Variants in BBS9 observed in about 807,000 individuals in gnomAD.
BBS9 encodes protein PTHB1.
Under a neutral mutation model 117.7 loss-of-function variants are expected in BBS9, and 89 were observed. The observed-to-expected ratio is 0.76, with a 90% confidence interval of 0.64 to 0.90. BBS9 has a LOEUF of 0.90. Ranked by LOEUF, BBS9 falls within the 40% of genes least tolerant of loss-of-function variation. The pLI is 0.00. For synonymous variants in BBS9, 379 were observed against 370.9 expected (o/e 1.02, Z -0.25); for missense variants, 982 against 1,042.2 (o/e 0.94, Z 0.80).
intron 9 of BBS9, among the ~76,000 whole-genome samples, chr7:33,284,955 C>T (rs1235017604): frequency 1.3e-5 from 2 of 152,128 alleles, no homozygotes; most frequent in East Asian, 3.8e-4. Flanking sequence ...CCATGAGGCA[C>T]TAGTACCAAG....
rs777369523 is a variant in BBS9, at chr7:33,387,958, A to G, written c.1963-34A>G. 2.5e-6 allele frequency: 4 copies of G among 1,607,460 alleles called. No homozygotes were observed. In the Admixed American group the frequency reaches 5.0e-5, roughly 20 times the overall value. On this transcript the variant is annotated intron_variant, in intron 18 of 22. Coordinates refer to ENST00000242067, the MANE Select transcript of BBS9 (RefSeq NM_198428.3). ...TTCTTTAAAGATGTTTTTTGTGTCC[A>G]TTTAATCTCAATTTAAGAAATTATT...
chr7:33,342,073 T>A (rs193266005), intron 11 of BBS9, among the ~76,000 whole-genome samples: 1 of 151,994 alleles, frequency 6.6e-6, no homozygotes, highest in East Asian at 1.9e-4. Flanking sequence ...AGTGTCTTCA[T>A]TATTTAGGTA....
chr7:33,284,154 C>G (rs1421094349), intron 9 of BBS9, among the ~76,000 whole-genome samples: 1 of 152,158 alleles, frequency 6.6e-6, no homozygotes, highest in Non-Finnish European at 1.5e-5. Context: ...CTCTCTTCCG[C>G]TTGAAGTCTG....
At chr7:33,180,802 T>G (rs1184125284) in intron 5 of BBS9, among the ~76,000 whole-genome samples, 2 of 152,136 alleles carry the variant, frequency 1.3e-5, no homozygotes, top group Non-Finnish European at 2.9e-5. Context: ...CCCACTGCCT[T>G]GTTGCGGTAG....
At chr7:33,485,309 T>G (rs1226855703) in intron 19 of BBS9, among the ~76,000 whole-genome samples, 1 of 81,582 alleles carries the variant, frequency 1.2e-5, no homozygotes, top group African/African-American at 3.7e-5. Context: ...AACATAAAAG[T>G]TTTTTTTTTT....
At chr7:33,527,827 G>A (rs572969493) in intron 20 of BBS9, among the ~76,000 whole-genome samples, 1 of 152,128 alleles carries the variant, frequency 6.6e-6, no homozygotes, top group Non-Finnish European at 1.5e-5. Flanking sequence ...AGCCCTCTTT[G>A]CATGACAAGG....
At chr7:33,634,755 G>C (rs867626866) in intron 21 of BBS9, among the ~76,000 whole-genome samples, 2 of 152,220 alleles carry the variant, frequency 1.3e-5, no homozygotes, top group African/African-American at 4.8e-5. Context: ...TGTGGACAGG[G>C]CAGGGCATGA....
Position 33,388,001 on chromosome 7 carries a change from A to C in BBS9, c.1972A>C (p.Asn658His). ...LIDHHFELRI[N>H]GEKLEELLSE... ...AAATTATTCATTGCAGCTACGGATA[A>C]ATGGTGAAAAATTAGAAGAACTCTT... is the stretch of plus-strand genomic sequence containing the variant. Residue 658 changes from asparagine (N) to histidine (H), a missense_variant, in exon 19 of 23, where the codon AAT (asparagine) becomes CAT (histidine). Coordinates refer to ENST00000242067, the MANE Select transcript of BBS9 (RefSeq NM_198428.3). 1 of 1,614,082 alleles carries C rather than the reference A, an allele frequency of 6.2e-7. No homozygotes were observed. The highest frequency in any genetic ancestry group is 8.5e-7 in the Non-Finnish European group (1 of 1,179,972).
chr7:33,368,281 C>A (rs1387942462), intron 17 of BBS9, among the ~76,000 whole-genome samples: 1 of 152,020 alleles, frequency 6.6e-6, no homozygotes, highest in African/African-American at 2.4e-5. Context: ...CTTGTTTATT[C>A]ATTTTGGACA....
chr7:33,364,723 C>G (rs1441647739), intron 16 of BBS9, among the ~76,000 whole-genome samples: 1 of 130,226 alleles, frequency 7.7e-6, no homozygotes, highest in African/African-American at 2.9e-5. Context: ...CTGTCCTCCT[C>G]CCCCTCCTCT....
chr7:33,631,858 G>A (rs1396939745), intron 21 of BBS9, among the ~76,000 whole-genome samples: 1 of 152,160 alleles, frequency 6.6e-6, no homozygotes, highest in Non-Finnish European at 1.5e-5. Flanking sequence ...CCCATGATGG[G>A]GATTATGAAG....
chr7:33,511,835 G>T (rs1352632452), intron 20 of BBS9, among the ~76,000 whole-genome samples: 1 of 152,208 alleles, frequency 6.6e-6, no homozygotes, highest in East Asian at 1.9e-4. Flanking sequence ...AAGGTTTAAA[G>T]ACTTCTACGT....
At chr7:33,593,459 G>A (rs1862257924) in intron 21 of BBS9, among the ~76,000 whole-genome samples, 1 of 151,774 alleles carries the variant, frequency 6.6e-6, no homozygotes, top group African/African-American at 2.4e-5. Context: ...CTTACTGGGT[G>A]TGTGTCTTTC....
chr7:33,289,633 C>G (rs1268565855), intron 9 of BBS9, among the ~76,000 whole-genome samples: 1 of 152,120 alleles, frequency 6.6e-6, no homozygotes, highest in East Asian at 1.9e-4. Flanking sequence ...CTCTCATCTT[C>G]TTATTCCATC....
intron 20 of BBS9, among the ~76,000 whole-genome samples, chr7:33,506,516 T>C (rs1298800213): frequency 6.6e-6 from 1 of 152,178 alleles, no homozygotes; most frequent in Non-Finnish European, 1.5e-5. Flanking sequence ...CTCTTAAACA[T>C]GGGCCAGTGA....
chr7:33,353,867 C>T (rs1278653861), intron 15 of BBS9, among the ~76,000 whole-genome samples: 1 of 151,794 alleles, frequency 6.6e-6, no homozygotes, highest in Non-Finnish European at 1.5e-5. Context: ...ACAAAGTATA[C>T]TTGTCAAATT....
At chr7:33,501,750 C>G (rs900823286) in intron 19 of BBS9, among the ~76,000 whole-genome samples, 1 of 152,154 alleles carries the variant, frequency 6.6e-6, no homozygotes, top group African/African-American at 2.4e-5. Flanking sequence ...TAGAGTGCAG[C>G]CTCCATTAAG....
At chr7:33,146,974 T>C (rs2128097149) in intron 2 of BBS9, among the ~76,000 whole-genome samples, 1 of 152,256 alleles carries the variant, frequency 6.6e-6, no homozygotes, top group Non-Finnish European at 1.5e-5. Flanking sequence ...TAGTAAAATA[T>C]TTTGTATTTT....
intron 17 of BBS9, among the ~76,000 whole-genome samples, chr7:33,370,110 T>A (rs981023115): frequency 5.9e-5 from 9 of 152,176 alleles, no homozygotes; most frequent in African/African-American, 1.7e-4. Context: ...TAGCTCATTG[T>A]CTCAGACACC....
Sources: gnomAD v4.1 joint callset for allele counts (sites outside exome capture counted in the v4.1 genomes callset) on GRCh38, gnomAD v4.1.1 for gene constraint, MANE v1.5 for transcripts, NCBI Gene and HGNC (gene_info 2026-07-23, HGNC 2026-07-21) for gene names.